The following ERBB4 variants were observed in gnomAD, a reference collection of about 807,000 sequenced individuals.
ERBB4 encodes the protein receptor tyrosine-protein kinase erbB-4.
A neutral mutation model predicts 158.0 loss-of-function variants in ERBB4; 42 were observed. The ratio of observed to expected loss-of-function variants is 0.27; its 90% CI spans 0.21 to 0.34. The LOEUF (loss-of-function observed/expected upper bound fraction) is 0.34, where lower values mean the gene tolerates loss of function less well. Ranked by LOEUF, ERBB4 falls within the 10% of genes least tolerant of loss-of-function variation. ERBB4 has a pLI of 1.00. For synonymous variants in ERBB4, 583 were observed against 558.7 expected, an observed-to-expected ratio of 1.04 and a Z score of -0.61; for missense variants, 1,333 against 1,624.1, an observed-to-expected ratio of 0.82 and a Z score of 3.08.
chr2:212,413,723 T>C (rs1253124081), intron 1 of ERBB4, among the ~76,000 whole-genome samples: 1 of 152,160 alleles, frequency 6.6e-6, no homozygotes, highest in Non-Finnish European at 1.5e-5. Flanking sequence ...ATTTGGACTA[T>C]TTAATAGGTA....
rs904841578 is a variant in ERBB4, at chr2:212,324,785, G to C, written c.83-199882C>G. On this transcript the variant is annotated intron_variant, in intron 1 of 27. Coordinates refer to ENST00000342788, the MANE Select transcript of ERBB4 (RefSeq NM_005235.3). Reference sequence around the variant, plus strand: ...ATATCAGTTACTTGCATGGGAAGAGGGGGAAATACTACATTCAGTTTTACA... The same window carrying C: ...ATATCAGTTACTTGCATGGGAAGAGCGGGAAATACTACATTCAGTTTTACA... 1.3e-5 allele frequency among the ~76,000 whole-genome samples: 2 copies of C among 150,340 alleles called. 1 individual carries two copies. Among genetic ancestry groups the C allele is most frequent in the Non-Finnish European group, 3.0e-5 (2 of 67,060 alleles).
chr2:212,182,577 G>T (rs900269099), intron 1 of ERBB4, among the ~76,000 whole-genome samples: 1 of 151,676 alleles, frequency 6.6e-6, no homozygotes, highest in Admixed American at 6.6e-5. Context: ...GTTTTTATTT[G>T]CATTTTTTAT....
chr2:212,369,528 T>TA (rs1415878573), intron 1 of ERBB4, among the ~76,000 whole-genome samples: 2 of 152,198 alleles, frequency 1.3e-5, no homozygotes, highest in Non-Finnish European at 2.9e-5. Context: ...CATCTCTACT[T>TA]ATTCTTTCTT....
At chr2:211,737,497 G>T (rs2074640472) in intron 5 of ERBB4, among the ~76,000 whole-genome samples, 1 of 152,076 alleles carries the variant, frequency 6.6e-6, no homozygotes, top group Non-Finnish European at 1.5e-5. Context: ...TACAAAACCG[G>T]CACAATGGAT....
Position 211,776,621 on chromosome 2 carries a change from T to C in ERBB4, c.556+11404A>G, listed in dbSNP as rs534013154. Among the ~76,000 whole-genome samples, 162 of 152,194 alleles carry C rather than the reference T, an allele frequency of 1.1e-3. 1 individual carries two copies. Among genetic ancestry groups the C allele is most frequent in the Non-Finnish European group, 2.0e-3 (135 of 68,042 alleles). ...TGTCTTGCTTTGAATACTTAAGCTA[T>C]ACTAACTGCATGGAATACGTAAGTG... On this transcript the variant is annotated intron_variant, in intron 4 of 27. Transcript: ENST00000342788.
chr2:212,298,987 CATA>C (rs2086522039), intron 1 of ERBB4, among the ~76,000 whole-genome samples: 1 of 151,634 alleles, frequency 6.6e-6, no homozygotes, highest in Non-Finnish European at 1.5e-5. Flanking sequence ...TAATAATTAT[CATA>C]ATAATAGCTA....
chr2:211,497,969 GA>G, intron 20 of ERBB4, among the ~76,000 whole-genome samples: 1 of 152,206 alleles, frequency 6.6e-6, no homozygotes, highest in East Asian at 1.9e-4. Flanking sequence ...TATGATGAAA[GA>G]AATATAATGT....
chr2:212,211,119 T>C (rs2082920137), intron 1 of ERBB4, among the ~76,000 whole-genome samples: 1 of 152,074 alleles, frequency 6.6e-6, no homozygotes, highest in Non-Finnish European at 1.5e-5. Flanking sequence ...AAACTCTACA[T>C]AGTAAACATC....
intron 3 of ERBB4, among the ~76,000 whole-genome samples, chr2:211,886,124 G>A (rs1055869234): frequency 6.6e-6 from 1 of 152,134 alleles, no homozygotes; most frequent in Non-Finnish European, 1.5e-5. Flanking sequence ...TACAGTTTCT[G>A]TTTTCTCTGT....
chr2:211,667,959 T>C (rs1234840119), intron 14 of ERBB4, among the ~76,000 whole-genome samples: 1 of 152,184 alleles, frequency 6.6e-6, no homozygotes, highest in Non-Finnish European at 1.5e-5. Context: ...CAATGCATCA[T>C]TAGGTGATTT....
At chr2:211,722,349 A>G (rs752624016) in intron 7 of ERBB4, 44 bp downstream of exon 7, 36 of 1,512,438 alleles carry the variant, frequency 2.4e-5, no homozygotes, top group Non-Finnish European at 3.2e-5. Context: ...TTTGATTTCA[A>G]ATAATGACCT....
intron 3 of ERBB4, among the ~76,000 whole-genome samples, chr2:211,943,624 A>G (rs2125127280): frequency 6.6e-6 from 1 of 152,162 alleles, no homozygotes; most frequent in East Asian, 1.9e-4. Context: ...TCCTTTATAG[A>G]TTGTGTGGCC....
intron 20 of ERBB4, among the ~76,000 whole-genome samples, chr2:211,530,515 A>ATT (rs2066465937): frequency 6.6e-6 from 1 of 152,148 alleles, no homozygotes. Context: ...ATTTATATGG[A>ATT]ACCATAAAAG....
At chr2:211,864,880 G>A (rs1323291007) in intron 3 of ERBB4, among the ~76,000 whole-genome samples, 1 of 152,076 alleles carries the variant, frequency 6.6e-6, no homozygotes. Flanking sequence ...GCGTGGTGGT[G>A]GGTGCCTGTA....
intron 3 of ERBB4, among the ~76,000 whole-genome samples, chr2:211,947,225 T>C (rs1053608899): frequency 1.3e-5 from 2 of 152,140 alleles, no homozygotes; most frequent in African/African-American, 2.4e-5. Flanking sequence ...TACAGTATTA[T>C]GGTATCCTTC....
intron 1 of ERBB4, among the ~76,000 whole-genome samples, chr2:212,516,112 GTA>G (rs1691826089): frequency 6.6e-6 from 1 of 151,818 alleles, no homozygotes; most frequent in Admixed American, 6.6e-5. Context: ...ATATCATTTT[GTA>G]AGTAGTACTA....
At chr2:211,454,531 G>A (rs2064330364) in intron 20 of ERBB4, among the ~76,000 whole-genome samples, 1 of 152,122 alleles carries the variant, frequency 6.6e-6, no homozygotes, top group Non-Finnish European at 1.5e-5. Context: ...AAGACTGCTA[G>A]AGCAAATGCA....
At chr2:211,709,257 A>G (rs1295714257) in intron 9 of ERBB4, among the ~76,000 whole-genome samples, 5 of 65,446 alleles carry the variant, frequency 7.6e-5, no homozygotes, top group African/African-American at 2.7e-4. Flanking sequence ...ATATACACAT[A>G]TATATATATA....
intron 17 of ERBB4, among the ~76,000 whole-genome samples, chr2:211,626,757 T>C (rs2069861982): frequency 6.6e-6 from 1 of 151,704 alleles, no homozygotes; most frequent in Non-Finnish European, 1.5e-5. Flanking sequence ...ACCCTGTCTC[T>C]ACTAAAAATA....
Sources: allele counts gnomAD v4.1 joint callset (sites outside exome capture counted in the v4.1 genomes callset), GRCh38; gene constraint gnomAD v4.1.1; transcripts MANE v1.5; gene names NCBI Gene and HGNC (gene_info 2026-07-23, HGNC 2026-07-21).